LOC128092252: variants seen among roughly 807,000 people sequenced by gnomAD.
chr15:50,670,269 G>A, the LOC128092252 span, among the ~76,000 whole-genome samples: 1 of 152,124 alleles, frequency 6.6e-6, no homozygotes, highest in Admixed American at 6.6e-5. Flanking sequence ...GTTTAAACCA[G>A]AGTGACTCCA....
chr15:50,684,256 G>A, the LOC128092252 span, among the ~76,000 whole-genome samples: 1 of 151,498 alleles, frequency 6.6e-6, no homozygotes, highest in Non-Finnish European at 1.5e-5. Flanking sequence ...AGGTTCAAGC[G>A]ATTCTCCTGC....
the LOC128092252 span, among the ~76,000 whole-genome samples, chr15:50,661,456 CTTTG>C: frequency 3.3e-5 from 5 of 152,140 alleles, no homozygotes; most frequent in African/African-American, 1.2e-4. Flanking sequence ...ATTGCTTCAA[CTTTG>C]TTTCTCAAAA....
chr15:50,667,495 CAGG>C, the LOC128092252 span, among the ~76,000 whole-genome samples: 1 of 152,186 alleles, frequency 6.6e-6, no homozygotes, highest in African/African-American at 2.4e-5. Context: ...CACTTGAGGC[CAGG>C]AGTTTTGAGA....
the LOC128092252 span, among the ~76,000 whole-genome samples, chr15:50,682,613 T>C: frequency 5.4e-4 from 82 of 151,102 alleles, no homozygotes; most frequent in African/African-American, 1.9e-3. Flanking sequence ...ATTTCCTAAA[T>C]CCAAAATTAA....
the LOC128092252 span, among the ~76,000 whole-genome samples, chr15:50,667,469 G>A: frequency 6.6e-6 from 1 of 152,198 alleles, no homozygotes; most frequent in African/African-American, 2.4e-5. Context: ...ACTTTGGGAG[G>A]CCAAGGTGGG....
the LOC128092252 span, among the ~76,000 whole-genome samples, chr15:50,681,080 G>A: frequency 2.0e-5 from 3 of 151,974 alleles, no homozygotes; most frequent in African/African-American, 4.8e-5. Flanking sequence ...GTGAAACTCC[G>A]TCTCTACCAA....
the LOC128092252 span, among the ~76,000 whole-genome samples, chr15:50,663,264 C>A: frequency 6.6e-6 from 1 of 152,028 alleles, no homozygotes; most frequent in Non-Finnish European, 1.5e-5. Context: ...GGGTAGCTGG[C>A]AGTACAGGCA....
the LOC128092252 span, chr15:50,657,879 TA>T: frequency 7.3e-7 from 1 of 1,367,202 alleles, no homozygotes; most frequent in Non-Finnish European, 1.0e-6. Context: ...GATTTTAAAG[TA>T]TATAAAATAC....
chr15:50,686,402 G>T, the LOC128092252 span: 1 of 1,483,676 alleles, frequency 6.7e-7, no homozygotes, highest in Non-Finnish European at 9.4e-7. Context: ...AAATCCGGAA[G>T]CCTCAAGGCA....
the LOC128092252 span, among the ~76,000 whole-genome samples, chr15:50,671,815 A>G: frequency 6.6e-6 from 1 of 152,074 alleles, no homozygotes; most frequent in African/African-American, 2.4e-5. Context: ...AAAAAAAAAA[A>G]TTCCTATGGC....
chr15:50,669,218 G>T, the LOC128092252 span, among the ~76,000 whole-genome samples: 5 of 152,116 alleles, frequency 3.3e-5, no homozygotes, highest in African/African-American at 1.2e-4. Context: ...GAGGTAGGTG[G>T]ATCACCTGAG....
the LOC128092252 span, among the ~76,000 whole-genome samples, chr15:50,677,756 AAAAAC>A: frequency 1.3e-5 from 2 of 150,288 alleles, no homozygotes; most frequent in Non-Finnish European, 1.5e-5. Context: ...AAAAAAAAAA[AAAAAC>A]AAAAGGTAAC....
chr15:50,651,243 A>G, the LOC128092252 span, among the ~76,000 whole-genome samples: 1 of 152,220 alleles, frequency 6.6e-6, no homozygotes, highest in East Asian at 1.9e-4. Context: ...AGAAGCAGAA[A>G]ACTATCAATA....
At chr15:50,676,464 A>G in the LOC128092252 span, among the ~76,000 whole-genome samples, 2 of 152,140 alleles carry the variant, frequency 1.3e-5, no homozygotes, top group Non-Finnish European at 2.9e-5. Context: ...CACACCTGTA[A>G]TCCTAGCACT....
chr15:50,678,343 G>C, the LOC128092252 span, among the ~76,000 whole-genome samples: 1 of 150,644 alleles, frequency 6.6e-6, no homozygotes, highest in African/African-American at 2.4e-5. Context: ...TGCCTGCCAA[G>C]GGTGACCAAC....
chr15:50,652,430 A>T, the LOC128092252 span, among the ~76,000 whole-genome samples: 1 of 151,450 alleles, frequency 6.6e-6, no homozygotes, highest in Admixed American at 6.6e-5. Context: ...TGAAAAGATA[A>T]ATAAAATTGA....
chr15:50,683,599 T>C, the LOC128092252 span, among the ~76,000 whole-genome samples: 1 of 152,016 alleles, frequency 6.6e-6, no homozygotes, highest in Admixed American at 6.6e-5. Flanking sequence ...CCGGGTGTGG[T>C]GGTGGACGCC....
the LOC128092252 span, among the ~76,000 whole-genome samples, chr15:50,654,957 C>T: frequency 4.9e-5 from 7 of 142,754 alleles, no homozygotes; most frequent in Non-Finnish European, 9.2e-5. Context: ...GCTGAGACTG[C>T]GCCACTGCAC....
the LOC128092252 span, among the ~76,000 whole-genome samples, chr15:50,677,761 C>CAAAAAAAAAAAAAAAAAAAAAAAAAAAAA: frequency 1.0e-5 from 1 of 96,580 alleles, no homozygotes. Flanking sequence ...AAAAAAAAAA[C>CAAAAAAAAAAAAAAAAAAAAAAAAAAAAA]AAAAGGTAAC....
Sources: allele counts gnomAD v4.1 joint callset (sites outside exome capture counted in the v4.1 genomes callset), GRCh38; gene constraint gnomAD v4.1.1; transcripts MANE v1.5.